Variants in COPG2 observed in about 807,000 individuals in gnomAD.
COPG2 encodes the protein coatomer subunit gamma-2.
Under a neutral mutation model 46.3 loss-of-function variants are expected in COPG2, and 37 were observed. The observed-to-expected ratio is 0.80, with a 90% CI of 0.61 to 1.05. The LOEUF (loss-of-function observed/expected upper bound fraction) is 1.05, where lower values mean the gene tolerates loss of function less well. COPG2 is among the 50% of genes least tolerant of loss of function. The pLI, the probability that COPG2 is intolerant of heterozygous loss-of-function variation, is 0.00. For missense variants in COPG2, 427 were observed against 387.8 expected, an observed-to-expected ratio of 1.10 and a Z score of -0.85; for synonymous variants, 159 against 129.7, an observed-to-expected ratio of 1.23 and a Z score of -1.53.
chr7:130,583,356 G>A (rs1794193361), intron 9 of COPG2, among the ~76,000 whole-genome samples: 1 of 149,952 alleles, frequency 6.7e-6, no homozygotes, highest in Non-Finnish European at 1.5e-5. Context: ...GGGGGTGGGG[G>A]GAGTGGGGAG....
At chr7:130,583,829 A>AG (rs1274335096) in intron 9 of COPG2, among the ~76,000 whole-genome samples, 2,771 of 145,078 alleles carry the variant, frequency 0.019, 76 homozygotes, top group Non-Finnish European at 0.034. Context: ...AAAAAAAAAA[A>AG]AAAAAAGTCC....
intron 20 of COPG2, among the ~76,000 whole-genome samples, chr7:130,537,588 G>A (rs1799893724): frequency 6.6e-6 from 1 of 151,592 alleles, no homozygotes; most frequent in African/African-American, 2.4e-5. Context: ...TGCAGCATAT[G>A]GGAGAGCAGG....
At chr7:130,522,938 C>G (rs979358985) in intron 20 of COPG2, among the ~76,000 whole-genome samples, 1 of 150,890 alleles carries the variant, frequency 6.6e-6, no homozygotes, top group South Asian at 2.1e-4. Context: ...GCCAACATGG[C>G]GAAACCCTGT....
intron 20 of COPG2, among the ~76,000 whole-genome samples, chr7:130,513,389 G>GTGTATATA (rs1554441349): frequency 3.7e-4 from 39 of 105,838 alleles, no homozygotes; most frequent in African/African-American, 1.3e-3. Flanking sequence ...GTGTGTGTGT[G>GTGTATATA]TATATATATA....
chr7:130,577,790 A>G (rs1428403646), intron 9 of COPG2, among the ~76,000 whole-genome samples: 1 of 139,682 alleles, frequency 7.2e-6, no homozygotes, highest in African/African-American at 2.7e-5. Flanking sequence ...AAAAAAAAAC[A>G]AAAAAAAAAA....
chr7:130,509,869 T>C (rs1799569000), intron 20 of COPG2: 1 of 491,840 alleles, frequency 2.0e-6, no homozygotes, highest in South Asian at 1.5e-5. Context: ...CTGTAAAAAA[T>C]GTGAAACGAT....
At chr7:130,641,806 T>TA (rs797026694) in intron 5 of COPG2, among the ~76,000 whole-genome samples, 6 of 152,350 alleles carry the variant, frequency 3.9e-5, no homozygotes, top group African/African-American at 1.4e-4. Context: ...ACTTAGCATT[T>TA]AGTTTCCTTA....
At chr7:130,535,404 T>C (rs977854593) in intron 20 of COPG2, among the ~76,000 whole-genome samples, 5 of 151,276 alleles carry the variant, frequency 3.3e-5, no homozygotes, top group African/African-American at 9.7e-5. Context: ...AGGACAGCCA[T>C]AAGCAGGACA....
intron 1 of COPG2, among the ~76,000 whole-genome samples, 198 bp downstream of exon 1, chr7:130,668,434 G>T (rs1405122921): frequency 6.7e-6 from 1 of 148,926 alleles, no homozygotes; most frequent in African/African-American, 2.4e-5. Context: ...GGCCCGAAGG[G>T]AGGCTCCGGC....
At chr7:130,575,779 A>G (rs1741787691) in intron 9 of COPG2, among the ~76,000 whole-genome samples, 1 of 152,234 alleles carries the variant, frequency 6.6e-6, no homozygotes. Context: ...TAAAAGATAC[A>G]GAACTGCAAA....
At chr7:130,509,039 A>AG (rs781868879) in intron 20 of COPG2, 3 of 477,654 alleles carry the variant, frequency 6.3e-6, no homozygotes. Flanking sequence ...AAAAAAAAAA[A>AG]CAAAAAAAAA....
At chr7:130,521,135 A>G (rs1469068477) in intron 20 of COPG2, among the ~76,000 whole-genome samples, 1 of 152,204 alleles carries the variant, frequency 6.6e-6, no homozygotes, top group African/African-American at 2.4e-5. Flanking sequence ...ACACAGGATA[A>G]TGAAAATTGC....
At chr7:130,643,850 T>C (rs575018495) in intron 5 of COPG2, among the ~76,000 whole-genome samples, 1 of 152,210 alleles carries the variant, frequency 6.6e-6, no homozygotes, top group South Asian at 2.1e-4. Flanking sequence ...ACACCTGTAG[T>C]CCTGGCTACT....
chr7:130,508,584 T>TC lies in COPG2; in HGVS notation c.2224dup (p.Asp742GlyfsTer4). ...CACCACATACTCATCATCATACCCA[T>TC]CCTCATCTGGAACTCCAGTGTTAGG... On this transcript the variant is annotated frameshift_variant, in exon 21 of 24. Transcript: ENST00000425248. LOFTEE classifies it high-confidence loss of function. 1 of 776,914 alleles carries TC rather than the reference T, an allele frequency of 1.3e-6. No homozygotes were observed. Among genetic ancestry groups the TC allele is most frequent in the Non-Finnish European group, 2.4e-6 (1 of 416,478 alleles). 48.1% of individuals were successfully genotyped at this position (776,914 alleles called of 1,614,324 possible).
chr7:130,596,400 G>A (rs559610599), intron 9 of COPG2, among the ~76,000 whole-genome samples: 1 of 152,200 alleles, frequency 6.6e-6, no homozygotes, highest in Non-Finnish European at 1.5e-5. Context: ...GGCCCTTCAA[G>A]GTGGCTATTA....
At chr7:130,550,075 A>T (rs1793511124) in intron 17 of COPG2, among the ~76,000 whole-genome samples, 1 of 152,070 alleles carries the variant, frequency 6.6e-6, no homozygotes, top group Non-Finnish European at 1.5e-5. Flanking sequence ...AGTTTTTTTT[A>T]AACTCTAATA....
intron 20 of COPG2, among the ~76,000 whole-genome samples, chr7:130,535,583 C>A (rs965791780): frequency 7.3e-6 from 1 of 137,370 alleles, no homozygotes; most frequent in Non-Finnish European, 1.5e-5. Context: ...CTTTGTTGCA[C>A]AGGTGTGAAT....
intron 20 of COPG2, among the ~76,000 whole-genome samples, chr7:130,525,700 AAC>A (rs1468324752): frequency 1.3e-5 from 2 of 152,224 alleles, no homozygotes; most frequent in African/African-American, 2.4e-5. Context: ...GAGAGTCTCA[AAC>A]ACAGTGGGTC....
chr7:130,621,301 T>G (rs1425854967), intron 5 of COPG2, among the ~76,000 whole-genome samples: 1 of 152,242 alleles, frequency 6.6e-6, no homozygotes, highest in African/African-American at 2.4e-5. Context: ...GAATTTGTGT[T>G]GTTTTAAGCC....
Sources: allele counts gnomAD v4.1 joint callset (sites outside exome capture counted in the v4.1 genomes callset), GRCh38; gene constraint gnomAD v4.1.1; transcripts MANE v1.5; gene names NCBI Gene and HGNC (gene_info 2026-07-23, HGNC 2026-07-21).